Variants in ZNF385D observed in about 807,000 individuals in gnomAD.
ZNF385D encodes the protein zinc finger protein 385D, also known as zinc finger protein 659.
A neutral mutation model predicts 35.8 loss-of-function variants in ZNF385D; 15 were observed. The observed-to-expected ratio is 0.42, with a 90% CI of 0.28 to 0.64. ZNF385D has a LOEUF of 0.64. ZNF385D is among the 30% of genes least tolerant of loss of function. ZNF385D has a pLI of 0.23. For synonymous variants in ZNF385D, 212 were observed against 186.8 expected (o/e 1.13, Z -1.10); for missense variants, 474 against 494.6 (o/e 0.96, Z 0.39).
At chr3:21,987,685 C>A (rs1397782678) in intron 3 of ZNF385D, among the ~76,000 whole-genome samples, 2 of 144,458 alleles carry the variant, frequency 1.4e-5, no homozygotes, top group Non-Finnish European at 1.5e-5. Flanking sequence ...TTGTGGTGTT[C>A]TCTGTATTTC....
intron 3 of ZNF385D, among the ~76,000 whole-genome samples, chr3:21,867,632 G>T (rs947316359): frequency 2.6e-5 from 4 of 151,914 alleles, no homozygotes; most frequent in Admixed American, 6.6e-5. Context: ...GTTGCCCTGG[G>T]AATACATACA....
intron 1 of ZNF385D, among the ~76,000 whole-genome samples, chr3:21,695,613 C>A (rs1455199139): frequency 1.3e-5 from 2 of 152,082 alleles, no homozygotes; most frequent in Non-Finnish European, 2.9e-5. Context: ...GTCAAATGAT[C>A]CTTACCATGC....
chr3:21,750,593 T>C (rs1382862900), intron 1 of ZNF385D, among the ~76,000 whole-genome samples: 2 of 152,166 alleles, frequency 1.3e-5, no homozygotes, highest in Non-Finnish European at 1.5e-5. Flanking sequence ...CTATTTCTCC[T>C]TCACCTAGCT....
intron 2 of ZNF385D, among the ~76,000 whole-genome samples, chr3:22,326,824 C>G (rs1164134563): frequency 6.6e-6 from 1 of 152,168 alleles, no homozygotes; most frequent in Non-Finnish European, 1.5e-5. Flanking sequence ...CCGAACATTA[C>G]CAAAGCACCC....
chr3:22,337,034 A>T (rs972626561), intron 2 of ZNF385D, among the ~76,000 whole-genome samples: 1 of 151,660 alleles, frequency 6.6e-6, no homozygotes, highest in Non-Finnish European at 1.5e-5. Flanking sequence ...AGTCATAAAA[A>T]CCCATTCATT....
chr3:22,363,968 G>C (rs1696534087), intron 2 of ZNF385D, among the ~76,000 whole-genome samples: 2 of 152,200 alleles, frequency 1.3e-5, no homozygotes, highest in South Asian at 4.1e-4. Flanking sequence ...ATGTGCTTAT[G>C]AGTTAGCTTT....
chr3:21,432,392 G>A (rs1412510670), intron 5 of ZNF385D, among the ~76,000 whole-genome samples: 2 of 151,930 alleles, frequency 1.3e-5, no homozygotes, highest in Admixed American at 6.6e-5. Flanking sequence ...CTTGGTGAGG[G>A]GATAGAATAA....
chr3:22,123,219 G>T (rs950955281), intron 3 of ZNF385D, among the ~76,000 whole-genome samples: 3 of 152,046 alleles, frequency 2.0e-5, no homozygotes, highest in African/African-American at 7.2e-5. Context: ...GGGAGAAGCG[G>T]GGGAGACTGA....
At chr3:21,740,834 C>A (rs1361169352) in intron 1 of ZNF385D, among the ~76,000 whole-genome samples, 1 of 152,168 alleles carries the variant, frequency 6.6e-6, no homozygotes, top group Non-Finnish European at 1.5e-5. Context: ...TTAATTCTGG[C>A]TGTCCTTCAT....
At chr3:22,201,210 G>A (rs891465738) in intron 2 of ZNF385D, among the ~76,000 whole-genome samples, 10 of 152,058 alleles carry the variant, frequency 6.6e-5, no homozygotes, top group African/African-American at 2.2e-4. Context: ...ACTAATAAAT[G>A]TCCATGAAAT....
At chr3:21,524,803 A>G (rs1475092804) in intron 3 of ZNF385D, among the ~76,000 whole-genome samples, 2 of 152,188 alleles carry the variant, frequency 1.3e-5, no homozygotes, top group Admixed American at 1.3e-4. Context: ...CAAAAGCAGG[A>G]AGGCAGGATG....
chr3:21,863,718 A>G (rs995254980), intron 3 of ZNF385D, among the ~76,000 whole-genome samples: 1 of 152,150 alleles, frequency 6.6e-6, no homozygotes. Context: ...AAAGAAAGAC[A>G]GTTGAATTAT....
At chr3:21,819,633 T>C in intron 3 of ZNF385D, among the ~76,000 whole-genome samples, 1 of 138,664 alleles carries the variant, frequency 7.2e-6, no homozygotes, top group Middle Eastern at 3.8e-3. Flanking sequence ...TATTATATAA[T>C]TATATATTCT....
At chr3:21,650,206 C>T (rs2065870096) in intron 2 of ZNF385D, among the ~76,000 whole-genome samples, 2 of 152,080 alleles carry the variant, frequency 1.3e-5, no homozygotes, top group African/African-American at 4.8e-5. Context: ...TAAAACATTT[C>T]CATGAAACTA....
intron 2 of ZNF385D, among the ~76,000 whole-genome samples, chr3:22,245,873 A>C (rs2125321317): frequency 6.6e-6 from 1 of 152,218 alleles, no homozygotes; most frequent in Non-Finnish European, 1.5e-5. Context: ...GAACCTCTCT[A>C]ATCAAGTAAT....
At chr3:21,868,054 G>T (rs977717835) in intron 3 of ZNF385D, among the ~76,000 whole-genome samples, 1 of 152,116 alleles carries the variant, frequency 6.6e-6, no homozygotes, top group Non-Finnish European at 1.5e-5. Context: ...ATATATGTAT[G>T]TATGTGAAGA....
chr3:22,228,310 C>G (rs1698683223), intron 2 of ZNF385D, among the ~76,000 whole-genome samples: 1 of 152,168 alleles, frequency 6.6e-6, no homozygotes, highest in South Asian at 2.1e-4. Context: ...CATAGCACTG[C>G]CACCTTATGT....
chr3:22,029,155 G>A (rs570980121), intron 3 of ZNF385D, among the ~76,000 whole-genome samples: 8 of 152,260 alleles, frequency 5.3e-5, no homozygotes, highest in South Asian at 2.1e-4. Flanking sequence ...AGTTATGATC[G>A]CCACCTGGAC....
At chr3:21,909,690 G>A (rs1430342840) in intron 3 of ZNF385D, among the ~76,000 whole-genome samples, 1 of 151,962 alleles carries the variant, frequency 6.6e-6, no homozygotes, top group East Asian at 1.9e-4. Context: ...ACATTACAGA[G>A]GAGAAAGAAG....
Sources: gnomAD v4.1 joint callset for allele counts (sites outside exome capture counted in the v4.1 genomes callset) on GRCh38, gnomAD v4.1.1 for gene constraint, MANE v1.5 for transcripts, NCBI Gene and HGNC (gene_info 2026-07-23, HGNC 2026-07-21) for gene names.